Variants in CREBBP observed in about 807,000 individuals in gnomAD.
CREBBP encodes CREB binding lysine acetyltransferase, also known as CREB-binding protein.
In CREBBP, 19 loss-of-function variants were observed where a neutral mutation model predicts 265.0. The ratio of observed to expected loss-of-function variants is 0.07; its 90% CI spans 0.05 to 0.11. The LOEUF is 0.11. Ranked by LOEUF, CREBBP falls within the 10% of genes least tolerant of loss-of-function variation. The pLI, the probability that CREBBP is intolerant of heterozygous loss-of-function variation, is 1.00. For synonymous variants in CREBBP, 1,457 were observed against 1,223.7 expected (o/e 1.19, Z -3.98); for missense variants, 2,525 against 3,219.0 (o/e 0.78, Z 5.22).
intron 2 of CREBBP, among the ~76,000 whole-genome samples, chr16:3,839,190 T>C (rs1407312686): frequency 6.6e-6 from 1 of 152,168 alleles, no homozygotes; most frequent in Non-Finnish European, 1.5e-5. Flanking sequence ...TAATAATTAG[T>C]GAACCCTGGA....
chr16:3,734,188 C>G (rs868652929), intron 28 of CREBBP, among the ~76,000 whole-genome samples: 12 of 152,178 alleles, frequency 7.9e-5, no homozygotes, highest in Middle Eastern at 6.8e-3. Flanking sequence ...CCCCATTTCC[C>G]AGAATTGACA....
intron 2 of CREBBP, among the ~76,000 whole-genome samples, chr16:3,841,216 A>G (rs753870969): frequency 8.5e-5 from 13 of 152,224 alleles, no homozygotes; most frequent in Non-Finnish European, 1.0e-4. Flanking sequence ...TAACTTCAGT[A>G]TACTTCAGCT....
intron 1 of CREBBP, 74 bp from the exon 2 acceptor site, chr16:3,851,083 T>A (rs549371817): frequency 4.6e-6 from 6 of 1,305,650 alleles, no homozygotes; most frequent in South Asian, 3.6e-5. Context: ...GTTTCTATGA[T>A]CTTAACCTAA....
chr16:3,875,350 C>T (rs2055378276), intron 1 of CREBBP, among the ~76,000 whole-genome samples: 2 of 152,178 alleles, frequency 1.3e-5, no homozygotes, highest in African/African-American at 4.8e-5. Flanking sequence ...TGTCCTAGTC[C>T]TAAAAGTCTC....
At chr16:3,830,605 A>G (rs2054323848) in intron 2 of CREBBP, among the ~76,000 whole-genome samples, 1 of 152,246 alleles carries the variant, frequency 6.6e-6, no homozygotes, top group African/African-American at 2.4e-5. Flanking sequence ...ACATGAAACA[A>G]GTACTTACAT....
intron 2 of CREBBP, among the ~76,000 whole-genome samples, chr16:3,843,484 G>T (rs150109594): frequency 8.2e-4 from 121 of 147,288 alleles, no homozygotes; most frequent in African/African-American, 2.9e-3. Flanking sequence ...GTAGTGGTGT[G>T]ATCATGGCTC....
chr16:3,757,064 G>A (rs1407813045), intron 19 of CREBBP, among the ~76,000 whole-genome samples: 1 of 152,066 alleles, frequency 6.6e-6, no homozygotes, highest in Admixed American at 6.5e-5. Context: ...TAGAGATGGG[G>A]GTTTCTCTAT....
At chr16:3,790,561 A>G (rs1263986896) in intron 5 of CREBBP, among the ~76,000 whole-genome samples, 1 of 151,776 alleles carries the variant, frequency 6.6e-6, no homozygotes, top group Admixed American at 6.6e-5. Flanking sequence ...TTTAGTAGAG[A>G]CTGGTCTCCA....
chr16:3,860,343 G>T (rs1052748549), intron 1 of CREBBP, among the ~76,000 whole-genome samples: 1 of 151,980 alleles, frequency 6.6e-6, no homozygotes, highest in African/African-American at 2.4e-5. Flanking sequence ...CTTCCAAAAG[G>T]AATTTTTTTT....
intron 1 of CREBBP, among the ~76,000 whole-genome samples, chr16:3,864,922 C>T (rs1328057802): frequency 1.3e-5 from 2 of 152,226 alleles, no homozygotes; most frequent in African/African-American, 4.8e-5. Context: ...CAAAAATTAG[C>T]GGGGCATGGT....
At chr16:3,856,923 T>C (rs953033142) in intron 1 of CREBBP, among the ~76,000 whole-genome samples, 1 of 152,124 alleles carries the variant, frequency 6.6e-6, no homozygotes, top group Admixed American at 6.5e-5. Context: ...AGAGAGTACT[T>C]AGTGAAACCC....
At chr16:3,872,101 T>C (rs1014705020) in intron 1 of CREBBP, among the ~76,000 whole-genome samples, 1 of 152,224 alleles carries the variant, frequency 6.6e-6, no homozygotes, top group Non-Finnish European at 1.5e-5. Flanking sequence ...GGGTAAGTTT[T>C]AAAAGGAATT....
intron 1 of CREBBP, among the ~76,000 whole-genome samples, chr16:3,877,641 T>G (rs559272704): frequency 6.6e-6 from 1 of 152,196 alleles, no homozygotes; most frequent in South Asian, 2.1e-4. Context: ...TGACCTGAAG[T>G]TGATCCACCA....
At chr16:3,748,685 G>T (rs1469729583) in intron 21 of CREBBP, among the ~76,000 whole-genome samples, 1 of 152,168 alleles carries the variant, frequency 6.6e-6, no homozygotes, top group Non-Finnish European at 1.5e-5. Context: ...TGCTCACCCT[G>T]GGGACAAAAA....
chr16:3,782,457 C>G (rs1282974124), intron 6 of CREBBP, among the ~76,000 whole-genome samples: 6 of 152,230 alleles, frequency 3.9e-5, no homozygotes, highest in Admixed American at 1.3e-4. Flanking sequence ...ACAGAAGTGG[C>G]ACAGCAAGCA....
Position 3,731,575 on chromosome 16 carries a change from G to A in CREBBP, c.4891-102C>T. On this transcript the variant is annotated intron_variant, in intron 29 of 30. Transcript: ENST00000262367. This position sits in a 1 kb window ranked among gnomAD's most constrained non-coding sequence, Gnocchi z 7.7. ...ACCCAGCCTGCAGAATAGGCAGGTGGCTGAGCCTGATGGCCCTGATGCCTT... is the reference window on the plus strand; with the variant it reads ...ACCCAGCCTGCAGAATAGGCAGGTGACTGAGCCTGATGGCCCTGATGCCTT... The A allele has an allele frequency of 6.8e-7, 1 of 1,470,670 alleles. No individual in the cohort carries two copies. Among genetic ancestry groups the A allele is most frequent in the Non-Finnish European group, 9.3e-7 (1 of 1,078,474 alleles). 91.1% of individuals were successfully genotyped at this position (1,470,670 alleles called of 1,614,324 possible).
At chr16:3,826,602 T>C (rs911942382) in intron 2 of CREBBP, among the ~76,000 whole-genome samples, 2 of 152,060 alleles carry the variant, frequency 1.3e-5, no homozygotes, top group Non-Finnish European at 2.9e-5. Flanking sequence ...ATAAGCCCAG[T>C]CTTACCATGA....
intron 1 of CREBBP, among the ~76,000 whole-genome samples, chr16:3,873,331 G>A (rs1324167074): frequency 1.3e-5 from 2 of 152,046 alleles, no homozygotes; most frequent in African/African-American, 2.4e-5. Context: ...TGGCCATCAC[G>A]TTCCTATTTT....
chr16:3,830,802 A>C lies in CREBBP; in HGVS notation c.798+19495T>G, dbSNP rs566294543. Among the ~76,000 whole-genome samples, 21 of 152,264 alleles carry C rather than the reference A, an allele frequency of 1.4e-4. No homozygotes were observed. In the Middle Eastern group the frequency reaches 0.01, roughly 74 times the overall value. Reference sequence around the variant, plus strand: ...GTAGGATACACATTCTATTTTTATGAGACAGAGTCTTGCTCCGTACCCAGG... The same window carrying C: ...GTAGGATACACATTCTATTTTTATGCGACAGAGTCTTGCTCCGTACCCAGG... On this transcript the variant is annotated intron_variant, in intron 2 of 30. Transcript: ENST00000262367.
Sources: gnomAD v4.1 joint callset for allele counts (sites outside exome capture counted in the v4.1 genomes callset) on GRCh38, gnomAD v4.1.1 for gene constraint, Gnocchi (gnomAD v3.1) non-coding constraint, MANE v1.5 for transcripts, NCBI Gene and HGNC (gene_info 2026-07-23, HGNC 2026-07-21) for gene names.